DSCAML1: variants seen among roughly 807,000 people sequenced by gnomAD.
The protein encoded by DSCAML1 is cell adhesion molecule DSCAML1.
A neutral mutation model predicts 200.5 loss-of-function variants in DSCAML1; 38 were observed. The observed-to-expected ratio is 0.19, with a 90% CI of 0.15 to 0.25. The LOEUF is 0.25. Among genes scored for constraint, DSCAML1 ranks in the 10% least tolerant of loss-of-function variants. The pLI is 1.00. For missense variants in DSCAML1, 2,223 were observed against 2,858.8 expected, an observed-to-expected ratio of 0.78 and a Z score of 5.07; for synonymous variants, 1,215 against 1,165.0, an observed-to-expected ratio of 1.04 and a Z score of -0.87.
chr11:117,591,149 A>AATTT (rs2051251086), intron 3 of DSCAML1, among the ~76,000 whole-genome samples: 1 of 149,064 alleles, frequency 6.7e-6, no homozygotes, highest in Non-Finnish European at 1.5e-5. Flanking sequence ...AACTTTTAAA[A>AATTT]ATTCATTTAT....
At chr11:117,812,804 C>A (rs1200368563) in intron 1 of DSCAML1, among the ~76,000 whole-genome samples, 1 of 137,626 alleles carries the variant, frequency 7.3e-6, no homozygotes, top group South Asian at 2.2e-4. Context: ...CCTTCCTAGG[C>A]ATGGTTAGTG....
At chr11:117,697,713 C>A (rs1356278614) in intron 3 of DSCAML1, among the ~76,000 whole-genome samples, 2 of 151,504 alleles carry the variant, frequency 1.3e-5, no homozygotes, top group Non-Finnish European at 1.5e-5. Flanking sequence ...GTGACTGGCT[C>A]ATTTCACTTA....
chr11:117,656,535 CTATCTATCT>C (rs1178526812), intron 3 of DSCAML1, among the ~76,000 whole-genome samples: 3 of 152,014 alleles, frequency 2.0e-5, no homozygotes, highest in African/African-American at 7.3e-5. Flanking sequence ...ATCTATCTAT[CTATCTATCT>C]ATCCATCCAT....
chr11:117,541,809 A>G (rs2137367374), intron 3 of DSCAML1, among the ~76,000 whole-genome samples: 1 of 152,312 alleles, frequency 6.6e-6, no homozygotes, highest in African/African-American at 2.4e-5. Context: ...CCCAGGGGGA[A>G]GGTGGGAACA....
intron 16 of DSCAML1, 145 bp from the exon 17 acceptor site, chr11:117,465,327 C>T (rs1565707648): frequency 3.4e-6 from 4 of 1,160,236 alleles, no homozygotes; most frequent in Admixed American, 4.9e-5. Context: ...AAAGTCCTTA[C>T]AATGGCTACT....
intron 11 of DSCAML1, among the ~76,000 whole-genome samples, chr11:117,496,841 G>A (rs947859683): frequency 6.6e-6 from 1 of 152,178 alleles, no homozygotes; most frequent in Non-Finnish European, 1.5e-5. Context: ...GCTTGTCAGG[G>A]GACCAGGGCG....
chr11:117,693,474 G>A (rs1289624972), intron 3 of DSCAML1, among the ~76,000 whole-genome samples: 1 of 152,070 alleles, frequency 6.6e-6, no homozygotes, highest in Non-Finnish European at 1.5e-5. Flanking sequence ...GAATGGGCAG[G>A]GTCAAGGATC....
intron 11 of DSCAML1, 95 bp from the exon 12 acceptor site, chr11:117,482,257 C>T (rs1423937201): frequency 7.0e-7 from 1 of 1,422,640 alleles, no homozygotes; most frequent in Non-Finnish European, 9.7e-7. Flanking sequence ...CCCCAGCCCT[C>T]CTCCCCCAGG....
intron 3 of DSCAML1, among the ~76,000 whole-genome samples, chr11:117,596,550 T>G (rs779456855): frequency 2.0e-5 from 3 of 152,164 alleles, no homozygotes; most frequent in Non-Finnish European, 4.4e-5. Flanking sequence ...TGGAAACAGA[T>G]GCAAGATGAT....
chr11:117,793,392 G>A (rs775575523), intron 1 of DSCAML1, among the ~76,000 whole-genome samples: 3 of 152,154 alleles, frequency 2.0e-5, no homozygotes, highest in Non-Finnish European at 4.4e-5. Flanking sequence ...TCGTATCCCT[G>A]CAGAAAAACT....
intron 3 of DSCAML1, among the ~76,000 whole-genome samples, chr11:117,680,334 T>C (rs2053290077): frequency 6.6e-6 from 1 of 152,168 alleles, no homozygotes; most frequent in African/African-American, 2.4e-5. Context: ...CTGACCCTCC[T>C]GTGGGTGCAG....
rs1272330296 is a variant in DSCAML1, at chr11:117,758,463, G to A, written c.511+18328C>T. On this transcript the variant is annotated intron_variant, in intron 3 of 32. Transcript: ENST00000651296. ...GTTGCCCAGGCTGGAGTGCAGTGGC[G>A]CGATCTCGGCTCACTGCAAGCTCTG... Among the ~76,000 whole-genome samples the A allele has an allele frequency of 7.9e-5, 12 of 151,620 alleles. No individual in the cohort carries two copies. In the South Asian group the frequency reaches 1.7e-3, roughly 21 times the overall value.
intron 3 of DSCAML1, among the ~76,000 whole-genome samples, chr11:117,637,858 T>C (rs1591349488): frequency 6.6e-6 from 1 of 152,128 alleles, no homozygotes; most frequent in South Asian, 2.1e-4. Context: ...ATTCAAAGGG[T>C]AATGACTCTG....
intron 3 of DSCAML1, among the ~76,000 whole-genome samples, chr11:117,649,025 C>T (rs2052574254): frequency 6.8e-6 from 1 of 147,008 alleles, no homozygotes; most frequent in Non-Finnish European, 1.5e-5. Flanking sequence ...CTCTCGCTCT[C>T]TCTCTCTCCA....
chr11:117,690,085 T>C (rs528609437), intron 3 of DSCAML1, among the ~76,000 whole-genome samples: 1 of 152,256 alleles, frequency 6.6e-6, no homozygotes, highest in African/African-American at 2.4e-5. Context: ...CCAGAGACTA[T>C]ACTGAAAAAA....
chr11:117,694,072 T>C (rs1363324076), intron 3 of DSCAML1, among the ~76,000 whole-genome samples: 1 of 81,080 alleles, frequency 1.2e-5, no homozygotes, highest in Non-Finnish European at 2.5e-5. Flanking sequence ...TATATATATA[T>C]ATATATACAC....
At chr11:117,549,354 G>A (rs192358521) in intron 3 of DSCAML1, among the ~76,000 whole-genome samples, 3 of 152,314 alleles carry the variant, frequency 2.0e-5, no homozygotes, top group East Asian at 1.9e-4. Context: ...CAACACCTTC[G>A]AGATGGTGCT....
chr11:117,535,094 G>A (rs2050142027), intron 3 of DSCAML1, among the ~76,000 whole-genome samples: 1 of 152,000 alleles, frequency 6.6e-6, no homozygotes, highest in African/African-American at 2.4e-5. Context: ...GAGCCTCTAA[G>A]ATTAGACTTA....
chr11:117,817,004 C>G (rs978395453), intron 1 of DSCAML1, among the ~76,000 whole-genome samples: 1 of 152,226 alleles, frequency 6.6e-6, no homozygotes. Context: ...GCCCTCCTGC[C>G]CCCATGCCCA....
Sources: allele counts gnomAD v4.1 joint callset (sites outside exome capture counted in the v4.1 genomes callset), GRCh38; gene constraint gnomAD v4.1.1; transcripts MANE v1.5; gene names NCBI Gene and HGNC (gene_info 2026-07-23, HGNC 2026-07-21).